The following SORCS3 variants were observed in gnomAD, a reference collection of about 807,000 sequenced individuals.
SORCS3 encodes the protein VPS10 domain-containing receptor SorCS3.
Under a neutral mutation model 146.3 loss-of-function variants are expected in SORCS3, and 57 were observed. That is an observed-to-expected ratio of 0.39 (90% confidence interval 0.31 to 0.49). SORCS3 has a LOEUF of 0.49. SORCS3 is among the 20% of genes least tolerant of loss of function. The probability of loss-of-function intolerance (pLI) is 0.92; values close to 1 mark genes in which losing one functional copy is unlikely to be tolerated. For synonymous variants in SORCS3, 653 were observed against 618.5 expected (o/e 1.06, Z -0.83); for missense variants, 1,341 against 1,575.5 (o/e 0.85, Z 2.52).
At chr10:105,049,867 T>C (rs2055398911) in intron 5 of SORCS3, among the ~76,000 whole-genome samples, 1 of 152,116 alleles carries the variant, frequency 6.6e-6, no homozygotes, top group African/African-American at 2.4e-5. Flanking sequence ...CTATGCTTAC[T>C]ACCTGGGTTA....
In SORCS3 at chr10:105,147,687, C is replaced by T. The variant is rs373949251; in HGVS notation, c.1373C>T (p.Thr458Met). Residue 458 changes from threonine (T) to methionine (M), a missense_variant, in exon 9 of 27, where the codon ACG becomes ATG. Coordinates refer to ENST00000369701, the MANE Select transcript of SORCS3 (RefSeq NM_014978.3). Reference protein sequence around the residue: ...AAVQEWNQNDTYNLYISDTRG... With the variant: ...AAVQEWNQNDMYNLYISDTRG... ...GTCCAAGAATGGAACCAGAACGACACGTACAACCTCTACATCTCAGACACG... is the reference window on the plus strand; with the variant it reads ...GTCCAAGAATGGAACCAGAACGACATGTACAACCTCTACATCTCAGACACG... 12 of 1,612,970 alleles carry T rather than the reference C, an allele frequency of 7.4e-6. No individual in the cohort carries two copies. Among genetic ancestry groups the T allele is most frequent in the African/African-American group, 1.3e-5 (1 of 74,834 alleles).
chr10:105,227,946 G>C (rs986320338), intron 20 of SORCS3, among the ~76,000 whole-genome samples: 1 of 150,330 alleles, frequency 6.7e-6, no homozygotes, highest in African/African-American at 2.5e-5. Flanking sequence ...GTCATGACAG[G>C]TGGGATGAGT....
At chr10:104,692,127 T>C (rs982420614) in intron 1 of SORCS3, among the ~76,000 whole-genome samples, 4 of 152,100 alleles carry the variant, frequency 2.6e-5, no homozygotes, top group African/African-American at 9.7e-5. Flanking sequence ...CTTTCTGAGA[T>C]GGGATCATCT....
At position 104,724,697 on chromosome 10, in the gene SORCS3, A is replaced by G. The variant is rs1182825951; in HGVS notation, c.627+82743A>G. 4.6e-5 allele frequency among the ~76,000 whole-genome samples: 7 copies of G among 151,828 alleles called. No individual in the cohort carries two copies. The East Asian group carries it at 1.2e-3, about 25-fold the overall frequency. On this transcript the variant is annotated intron_variant, in intron 1 of 26. Transcript: ENST00000369701. ...TTTCTTTTTATTCTTTTTTCTCTAAACTTCTCTTCTTGCTTCATTTCATTC... is the reference window on the plus strand; with the variant it reads ...TTTCTTTTTATTCTTTTTTCTCTAAGCTTCTCTTCTTGCTTCATTTCATTC...
chr10:105,026,069 G>T (rs1219615396), intron 4 of SORCS3, among the ~76,000 whole-genome samples: 2 of 152,136 alleles, frequency 1.3e-5, no homozygotes, highest in East Asian at 1.9e-4. Flanking sequence ...AAATATCCCG[G>T]ATGCGATCAG....
chr10:104,651,224 T>G (rs984975016), intron 1 of SORCS3, among the ~76,000 whole-genome samples: 1 of 152,208 alleles, frequency 6.6e-6, no homozygotes, highest in Non-Finnish European at 1.5e-5. Context: ...AGCAAACTTT[T>G]GTTTGAAAGA....
At chr10:104,995,901 C>A (rs1423511874) in intron 4 of SORCS3, among the ~76,000 whole-genome samples, 2 of 152,052 alleles carry the variant, frequency 1.3e-5, no homozygotes, top group African/African-American at 4.8e-5. Flanking sequence ...TATGTTTAGG[C>A]CAATAATCAA....
intron 1 of SORCS3, among the ~76,000 whole-genome samples, chr10:104,727,702 C>G (rs1434407377): frequency 6.6e-6 from 1 of 151,988 alleles, no homozygotes; most frequent in African/African-American, 2.4e-5. Flanking sequence ...CAGTCCGTGG[C>G]CTGTTAGGAA....
At chr10:104,901,944 T>C (rs1199132244) in intron 2 of SORCS3, among the ~76,000 whole-genome samples, 1 of 152,226 alleles carries the variant, frequency 6.6e-6, no homozygotes, top group African/African-American at 2.4e-5. Flanking sequence ...CAGATCTGCA[T>C]CTTTGGAGCA....
chr10:105,203,059 G>C (rs150374606), intron 16 of SORCS3, among the ~76,000 whole-genome samples: 120 of 152,202 alleles, frequency 7.9e-4, no homozygotes, highest in African/African-American at 2.9e-3. Context: ...TCATCCAGCT[G>C]GTTTTTTAGC....
intron 1 of SORCS3, among the ~76,000 whole-genome samples, chr10:104,805,604 G>C (rs1437126076): frequency 6.6e-6 from 1 of 152,096 alleles, no homozygotes; most frequent in East Asian, 1.9e-4. Flanking sequence ...GTGTGTGATA[G>C]AATTTGACAA....
chr10:105,136,875 A>C (rs2133776368), intron 7 of SORCS3, among the ~76,000 whole-genome samples: 1 of 152,248 alleles, frequency 6.6e-6, no homozygotes, highest in South Asian at 2.1e-4. Flanking sequence ...AATGCATTTA[A>C]ACATTTAAAG....
At chr10:104,678,644 G>A (rs2015938529) in intron 1 of SORCS3, among the ~76,000 whole-genome samples, 2 of 152,286 alleles carry the variant, frequency 1.3e-5, no homozygotes, top group African/African-American at 4.8e-5. Flanking sequence ...TGAGGGCAGG[G>A]ACCACATCTG....
intron 5 of SORCS3, among the ~76,000 whole-genome samples, chr10:105,081,276 A>AATTAAACTCACAAAGAAG (rs1330008160): frequency 6.6e-6 from 1 of 152,158 alleles, no homozygotes; most frequent in Admixed American, 6.5e-5. Flanking sequence ...TTTGCCCTGG[A>AATTAAACTCACAAAGAAG]AATAATACTC....
chr10:104,854,705 C>A (rs897355212), intron 2 of SORCS3, among the ~76,000 whole-genome samples: 1 of 152,104 alleles, frequency 6.6e-6, no homozygotes, highest in African/African-American at 2.4e-5. Context: ...ATAATCACAC[C>A]TACCTCCCTC....
At chr10:105,180,441 C>T (rs527469312) in intron 14 of SORCS3, among the ~76,000 whole-genome samples, 45 of 152,214 alleles carry the variant, frequency 3.0e-4, no homozygotes, top group African/African-American at 1.1e-3. Flanking sequence ...ATGAATGATT[C>T]CAAGGCAAAG....
intron 7 of SORCS3, among the ~76,000 whole-genome samples, chr10:105,109,199 ATTC>A (rs1321670933): frequency 6.6e-6 from 1 of 152,052 alleles, no homozygotes; most frequent in Non-Finnish European, 1.5e-5. Flanking sequence ...CCTCTCTTTA[ATTC>A]TTCCACTACC....
chr10:104,799,476 T>G (rs1220406572), intron 1 of SORCS3, among the ~76,000 whole-genome samples: 1 of 151,166 alleles, frequency 6.6e-6, no homozygotes, highest in African/African-American at 2.4e-5. Context: ...TTCTCAATCA[T>G]AAGTGGGAGT....
chr10:105,226,925 A>C (rs1049101996), intron 20 of SORCS3, among the ~76,000 whole-genome samples: 2 of 150,516 alleles, frequency 1.3e-5, no homozygotes, highest in African/African-American at 4.9e-5. Flanking sequence ...TCCATTTCTG[A>C]TTTTATTTGA....
Sources: allele counts gnomAD v4.1 joint callset (sites outside exome capture counted in the v4.1 genomes callset), GRCh38; gene constraint gnomAD v4.1.1; transcripts MANE v1.5; gene names NCBI Gene and HGNC (gene_info 2026-07-23, HGNC 2026-07-21).